Variants in PDE4D observed in about 807,000 individuals in gnomAD.
PDE4D encodes phosphodiesterase 4D.
In PDE4D, 24 loss-of-function variants were observed where a neutral mutation model predicts 87.4. The observed-to-expected ratio is 0.27, with a 90% CI of 0.20 to 0.39. The LOEUF (loss-of-function observed/expected upper bound fraction) is 0.39, where lower values mean the gene tolerates loss of function less well. Ranked by LOEUF, PDE4D falls within the 10% of genes least tolerant of loss-of-function variation. The probability of loss-of-function intolerance (pLI) is 1.00; values close to 1 mark genes in which losing one functional copy is unlikely to be tolerated. For synonymous variants in PDE4D, 384 were observed against 383.2 expected (o/e 1.00, Z -0.02); for missense variants, 714 against 1,041.0 (o/e 0.69, Z 4.32).
intron 2 of PDE4D, among the ~76,000 whole-genome samples, chr5:60,046,366 C>T (rs918108193): frequency 5.6e-4 from 85 of 152,112 alleles, no homozygotes; most frequent in Non-Finnish European, 9.8e-4. Flanking sequence ...ATTTCCTTCT[C>T]CTGCCTAATT....
At chr5:60,112,035 T>A (rs1777739776) in intron 2 of PDE4D, among the ~76,000 whole-genome samples, 1 of 151,952 alleles carries the variant, frequency 6.6e-6, no homozygotes, top group Non-Finnish European at 1.5e-5. Flanking sequence ...ATATGGCTTT[T>A]AAAAAAAACC....
Position 59,650,731 on chromosome 5 carries a change from C to T in PDE4D, c.455+242437G>A, listed in dbSNP as rs141773302. ...ATTGTAGCAGCTTGATAAAAGATCACTACTTAATAAGTAAGGTCATTCTAT... is the reference window on the plus strand; with the variant it reads ...ATTGTAGCAGCTTGATAAAAGATCATTACTTAATAAGTAAGGTCATTCTAT... On this transcript the variant is annotated intron_variant, in intron 1 of 14. Transcript: ENST00000340635. 4.5e-3 allele frequency among the ~76,000 whole-genome samples: 684 copies of T among 152,278 alleles called. 8 individuals are homozygous for T. The highest frequency in any genetic ancestry group is 0.016 in the African/African-American group (653 of 41,542).
In PDE4D at chr5:60,079,205, T is replaced by G. The variant is rs150597091; in HGVS notation, c.43-90488A>C. Among the ~76,000 whole-genome samples, 416 of 152,348 alleles carry G rather than the reference T, an allele frequency of 2.7e-3. 1 individual carries two copies. The highest frequency in any genetic ancestry group is 8.2e-3 in the African/African-American group (343 of 41,586). On this transcript the variant is annotated intron_variant, in intron 2 of 16. Coordinates refer to the PDE4D transcript ENST00000502484. ...TCTTCTTTTGAGAAGTGTCTGTTCA[T>G]ATCCTTTGCCTACTTTTTGATGGAG...
intron 1 of PDE4D, among the ~76,000 whole-genome samples, chr5:59,591,889 A>G (rs1825969900): frequency 6.6e-6 from 1 of 152,182 alleles, no homozygotes; most frequent in South Asian, 2.1e-4. Flanking sequence ...ATCTTGCAGG[A>G]TGTGACTTTT....
chr5:60,495,899 C>T (rs1397242764), intron 1 of PDE4D, among the ~76,000 whole-genome samples: 2 of 152,082 alleles, frequency 1.3e-5, no homozygotes, highest in Non-Finnish European at 2.9e-5. Context: ...AAAATATTGC[C>T]ATTTTTATTT....
rs1022875375 is a variant in PDE4D, at chr5:58,972,716, T to A, written c.*1948A>T. 26 of 152,272 alleles carry A rather than the reference T, an allele frequency of 1.7e-4. No homozygotes were observed. Among genetic ancestry groups the A allele is most frequent in the African/African-American group, 5.5e-4 (23 of 41,558 alleles). 9.4% of individuals were successfully genotyped at this position (152,272 alleles called of 1,614,324 possible). On this transcript the variant is annotated 3_prime_UTR_variant, in exon 15 of 15. Transcript: ENST00000340635. ...ATAGAGAAGGTAAAGAAGACTTTAT[T>A]AAGGCTGACGTGGGGATAAAGTCAG...
At chr5:59,937,383 AT>A (rs1756719237) in intron 3 of PDE4D, among the ~76,000 whole-genome samples, 1 of 152,222 alleles carries the variant, frequency 6.6e-6, no homozygotes. Flanking sequence ...TCCCTGCTTT[AT>A]AGGTGAGTGT....
intron 1 of PDE4D, among the ~76,000 whole-genome samples, chr5:59,250,503 A>AAAAG (rs1212877619): frequency 1.6e-4 from 25 of 151,576 alleles, no homozygotes; most frequent in African/African-American, 6.1e-4. Context: ...GAAAAAAAAA[A>AAAAG]AAAGAAAGAA....
chr5:60,089,422 C>T (rs1448079989), intron 2 of PDE4D, among the ~76,000 whole-genome samples: 2 of 151,680 alleles, frequency 1.3e-5, no homozygotes, highest in Non-Finnish European at 3.0e-5. Flanking sequence ...GGAAAGAAAA[C>T]AACATGCTAC....
intron 1 of PDE4D, among the ~76,000 whole-genome samples, chr5:59,684,128 T>A (rs1243204785): frequency 2.6e-5 from 4 of 152,166 alleles, no homozygotes; most frequent in Non-Finnish European, 4.4e-5. Flanking sequence ...AACGAGCTAG[T>A]CACCCTCCAA....
intron 11 of PDE4D, 34 bp from the exon 12 acceptor site, chr5:58,977,379 A>C (rs1744058118): frequency 3.2e-6 from 5 of 1,582,794 alleles, no homozygotes; most frequent in Admixed American, 3.9e-5. Flanking sequence ...AGATCAGCAA[A>C]ACTGTTTGTG....
intron 1 of PDE4D, among the ~76,000 whole-genome samples, chr5:59,727,842 G>A (rs939864978): frequency 1.3e-5 from 2 of 152,200 alleles, no homozygotes; most frequent in East Asian, 1.9e-4. Context: ...TCTGACCTAT[G>A]ACAGGCTCTC....
chr5:59,774,801 C>T (rs1763920696), intron 1 of PDE4D, among the ~76,000 whole-genome samples: 1 of 151,660 alleles, frequency 6.6e-6, no homozygotes, highest in African/African-American at 2.4e-5. Context: ...GATTCTCCTG[C>T]CTCAGCCTCC....
At chr5:60,431,620 C>T (rs1280838498) in intron 1 of PDE4D, among the ~76,000 whole-genome samples, 4 of 151,502 alleles carry the variant, frequency 2.6e-5, no homozygotes, top group Non-Finnish European at 5.9e-5. Context: ...CTCCTCACGT[C>T]CCAGACGATG....
intron 1 of PDE4D, among the ~76,000 whole-genome samples, chr5:59,284,566 G>A (rs567407297): frequency 6.7e-6 from 1 of 149,656 alleles, no homozygotes; most frequent in South Asian, 2.2e-4. Context: ...GAAACAACAG[G>A]TGCTGGAGAG....
intron 1 of PDE4D, among the ~76,000 whole-genome samples, chr5:60,291,585 C>G (rs892757325): frequency 2.0e-5 from 3 of 151,002 alleles, no homozygotes; most frequent in Admixed American, 2.0e-4. Context: ...TCCTAAAAAC[C>G]CTAAAAGACA....
At chr5:60,080,902 T>C (rs550681564) in intron 2 of PDE4D, among the ~76,000 whole-genome samples, 1 of 152,210 alleles carries the variant, frequency 6.6e-6, no homozygotes, top group Non-Finnish European at 1.5e-5. Context: ...ATAAAATGAG[T>C]TAGGGAGGAG....
At chr5:59,333,173 C>T (rs564778122) in intron 1 of PDE4D, among the ~76,000 whole-genome samples, 3 of 152,178 alleles carry the variant, frequency 2.0e-5, no homozygotes, top group East Asian at 1.9e-4. Context: ...TACAAATCCG[C>T]GAATCCAGTT....
intron 2 of PDE4D, among the ~76,000 whole-genome samples, chr5:60,033,226 C>T (rs1327631396): frequency 6.6e-6 from 1 of 152,078 alleles, no homozygotes; most frequent in East Asian, 1.9e-4. Context: ...CATTTATTTT[C>T]AATGTCAATA....
Sources: gnomAD v4.1 joint callset for allele counts (sites outside exome capture counted in the v4.1 genomes callset) on GRCh38, gnomAD v4.1.1 for gene constraint, MANE v1.5 for transcripts, NCBI Gene and HGNC (gene_info 2026-07-23, HGNC 2026-07-21) for gene names.